NELL1: variants seen among roughly 807,000 people sequenced by gnomAD.
NELL1 encodes the protein protein kinase C-binding protein NELL1.
NELL1 carries 76 observed loss-of-function variants against 107.4 expected under a neutral mutation model. The observed-to-expected ratio is 0.71, with a 90% confidence interval of 0.59 to 0.86. The LOEUF is 0.86. Among genes scored for constraint, NELL1 ranks in the 40% least tolerant of loss-of-function variants. The probability of loss-of-function intolerance (pLI) is 0.00; values close to 1 mark genes in which losing one functional copy is unlikely to be tolerated. For synonymous variants in NELL1, 353 were observed against 341.2 expected, an observed-to-expected ratio of 1.03 and a Z score of -0.38; for missense variants, 1,024 against 1,005.5, an observed-to-expected ratio of 1.02 and a Z score of -0.25.
chr11:20,778,674 G>A (rs1053338059), intron 2 of NELL1, among the ~76,000 whole-genome samples: 1 of 152,036 alleles, frequency 6.6e-6, no homozygotes, highest in African/African-American at 2.4e-5. Context: ...CATTTGGAAC[G>A]CCATTTTCCC....
At chr11:20,794,398 GA>G (rs1481104935) in intron 3 of NELL1, among the ~76,000 whole-genome samples, 1 of 151,918 alleles carries the variant, frequency 6.6e-6, no homozygotes, top group Non-Finnish European at 1.5e-5. Context: ...CATTTTAAAT[GA>G]AAAAAGGATT....
intron 14 of NELL1, among the ~76,000 whole-genome samples, chr11:21,357,875 A>G (rs188359119): frequency 3.3e-5 from 5 of 152,290 alleles, no homozygotes; most frequent in African/African-American, 9.6e-5. Context: ...CCTGCCAGTT[A>G]TCCCAGCACC....
chr11:21,166,076 A>G (rs1290227576), intron 13 of NELL1, among the ~76,000 whole-genome samples: 2 of 151,726 alleles, frequency 1.3e-5, no homozygotes, highest in African/African-American at 4.9e-5. Context: ...TATTTGCAAC[A>G]ACATGGATGG....
chr11:21,295,293 A>C (rs937188451), intron 14 of NELL1, among the ~76,000 whole-genome samples: 3 of 152,012 alleles, frequency 2.0e-5, no homozygotes, highest in African/African-American at 4.8e-5. Context: ...ATCTCTCAAA[A>C]TGTTGGATTA....
At chr11:21,342,836 G>A (rs1440827509) in intron 14 of NELL1, among the ~76,000 whole-genome samples, 1 of 151,918 alleles carries the variant, frequency 6.6e-6, no homozygotes, top group Non-Finnish European at 1.5e-5. Context: ...ATTACATTCA[G>A]TATCCACTGA....
intron 13 of NELL1, among the ~76,000 whole-genome samples, chr11:21,225,165 G>A (rs1462389300): frequency 2.0e-5 from 3 of 152,164 alleles, no homozygotes; most frequent in Non-Finnish European, 4.4e-5. Context: ...ATATGGACAT[G>A]CAGGGACTAC....
chr11:20,877,693 G>A (rs1337690978), intron 4 of NELL1, among the ~76,000 whole-genome samples: 1 of 152,172 alleles, frequency 6.6e-6, no homozygotes, highest in Admixed American at 6.5e-5. Flanking sequence ...TTGACAAGGA[G>A]TGTGGCAGTT....
At chr11:21,443,743 G>C (rs540517915) in intron 15 of NELL1, among the ~76,000 whole-genome samples, 1 of 151,726 alleles carries the variant, frequency 6.6e-6, no homozygotes, top group African/African-American at 2.4e-5. Context: ...CCAGCTACTC[G>C]GGAGGCTGAG....
intron 15 of NELL1, among the ~76,000 whole-genome samples, chr11:21,528,665 A>G (rs997077047): frequency 1.5e-5 from 2 of 132,614 alleles, no homozygotes; most frequent in African/African-American, 2.6e-5. Context: ...GTATTCTGTT[A>G]TAGCAACACA....
intron 13 of NELL1, among the ~76,000 whole-genome samples, chr11:21,215,039 G>A (rs1038219175): frequency 6.6e-6 from 1 of 152,124 alleles, no homozygotes; most frequent in Non-Finnish European, 1.5e-5. Context: ...ATATGGTTTG[G>A]CTGTGTCCCC....
chr11:21,485,157 C>G (rs1201276801), intron 15 of NELL1, among the ~76,000 whole-genome samples: 2 of 152,144 alleles, frequency 1.3e-5, no homozygotes, highest in Non-Finnish European at 2.9e-5. Flanking sequence ...TTGTGCCAAG[C>G]TTCAGAAAAG....
At chr11:21,445,808 T>C (rs1853410869) in intron 15 of NELL1, among the ~76,000 whole-genome samples, 1 of 152,226 alleles carries the variant, frequency 6.6e-6, no homozygotes, top group Non-Finnish European at 1.5e-5. Context: ...AGGATATTTT[T>C]GCAGGATATA....
intron 13 of NELL1, among the ~76,000 whole-genome samples, chr11:21,136,408 T>C (rs1855745056): frequency 6.6e-6 from 1 of 152,208 alleles, no homozygotes; most frequent in African/African-American, 2.4e-5. Context: ...TAAAAGCTTA[T>C]TCAACTATAG....
chr11:20,698,997 A>G (rs1258134104), intron 2 of NELL1, among the ~76,000 whole-genome samples: 1 of 152,068 alleles, frequency 6.6e-6, no homozygotes, highest in Admixed American at 6.6e-5. Context: ...TGGGCAGATC[A>G]CCTGAGGTCA....
chr11:21,507,987 G>T (rs1855333218), intron 15 of NELL1, among the ~76,000 whole-genome samples: 1 of 151,908 alleles, frequency 6.6e-6, no homozygotes, highest in Non-Finnish European at 1.5e-5. Context: ...TCACCATATT[G>T]CCCAGGCTGG....
intron 13 of NELL1, among the ~76,000 whole-genome samples, chr11:21,149,782 T>C (rs1159975662): frequency 6.6e-6 from 1 of 152,188 alleles, no homozygotes; most frequent in East Asian, 1.9e-4. Flanking sequence ...GGAGCTTATA[T>C]TCTAGGTAGT....
chr11:20,955,203 A>G (rs1185224933), intron 11 of NELL1, among the ~76,000 whole-genome samples: 1 of 152,230 alleles, frequency 6.6e-6, no homozygotes, highest in East Asian at 1.9e-4. Flanking sequence ...AAGCCCTTAT[A>G]GAAGTGTTGT....
chr11:21,453,696 G>C (rs888084509), intron 15 of NELL1, among the ~76,000 whole-genome samples: 6 of 150,686 alleles, frequency 4.0e-5, no homozygotes, highest in Non-Finnish European at 7.4e-5. Context: ...TACACCATCT[G>C]TTCTTCATTT....
chr11:20,975,839 G>C (rs1485955311), intron 12 of NELL1, among the ~76,000 whole-genome samples: 1 of 118,900 alleles, frequency 8.4e-6, no homozygotes, highest in African/African-American at 3.1e-5. Context: ...ATGTACATAT[G>C]TGTATTATAT....
Sources: allele counts gnomAD v4.1 joint callset (sites outside exome capture counted in the v4.1 genomes callset), GRCh38; gene constraint gnomAD v4.1.1; transcripts MANE v1.5; gene names NCBI Gene and HGNC (gene_info 2026-07-23, HGNC 2026-07-21).